The following WHRN variants were observed in gnomAD, a reference collection of about 807,000 sequenced individuals.
The protein encoded by WHRN is whirlin, also known as CASK-interacting protein CIP98.
In WHRN, 41 loss-of-function variants were observed where a neutral mutation model predicts 68.3. The observed-to-expected ratio is 0.60, with a 90% confidence interval of 0.47 to 0.78. The LOEUF (loss-of-function observed/expected upper bound fraction) is 0.78. Ranked by LOEUF, WHRN falls within the 30% of genes least tolerant of loss-of-function variation. The pLI, the probability that WHRN is intolerant of heterozygous loss-of-function variation, is 0.00. For missense variants in WHRN, 1,243 were observed against 1,244.7 expected (o/e 1.00, Z 0.02); for synonymous variants, 560 against 561.3 (o/e 1.00, Z 0.03).
intron 2 of WHRN, among the ~76,000 whole-genome samples, chr9:114,467,803 A>G (rs1840853357): frequency 6.6e-6 from 1 of 152,188 alleles, no homozygotes; most frequent in Non-Finnish European, 1.5e-5. Flanking sequence ...CCTAGCCCAA[A>G]GAGACGAGAA....
chr9:114,426,189 G>C, intron 4 of WHRN, 22 bp downstream of exon 4: 1 of 1,611,768 alleles, frequency 6.2e-7, no homozygotes. Context: ...TCTGGAGATT[G>C]GAGCGAGCAG....
intron 2 of WHRN, among the ~76,000 whole-genome samples, chr9:114,477,265 C>T (rs951504307): frequency 2.0e-5 from 3 of 152,250 alleles, no homozygotes; most frequent in Non-Finnish European, 4.4e-5. Flanking sequence ...TTTCCAGAGG[C>T]ATGGCACTTG....
In WHRN at chr9:114,425,014, C is replaced by T. The variant is rs138164522; in HGVS notation, c.1177G>A (p.Asp393Asn). ...TTGTTTATTCCTTCTGTTGTGAGAT[C>T]GCCAAGAAACCTGTGGGGAAAGACA... is the stretch of plus-strand genomic sequence containing the variant. ...TMANSAGFLG[D>N]LTTEGINKPG... Residue 393 changes from aspartate (D) to asparagine (N), a missense_variant, in exon 5 of 12, where the codon GAT becomes AAT. Coordinates refer to ENST00000362057, the MANE Select transcript of WHRN (RefSeq NM_015404.4). 9 of 1,614,166 alleles carry T rather than the reference C, an allele frequency of 5.6e-6. No homozygotes were observed. The highest frequency in any genetic ancestry group is 4.0e-5 in the African/African-American group (3 of 75,028).
rs545017474 is a variant in WHRN at position 114,471,832 on chromosome 9, A to G, written c.838-5440T>C. On this transcript the variant is annotated intron_variant, in intron 2 of 11. Coordinates refer to ENST00000362057, the MANE Select transcript of WHRN (RefSeq NM_015404.4). ...GTAAGATTCCCCACTCTGAAAAGAC[A>G]GGAACACAGGAAGAGAAGGGCCTCC... Among the ~76,000 whole-genome samples the G allele has an allele frequency of 9.8e-4, 150 of 152,356 alleles. 5 individuals are homozygous for G. In the South Asian group the frequency reaches 0.029, roughly 30 times the overall value.
At chr9:114,418,840 T>C (rs1836021668) in intron 7 of WHRN, among the ~76,000 whole-genome samples, 1 of 152,224 alleles carries the variant, frequency 6.6e-6, no homozygotes, top group South Asian at 2.1e-4. Context: ...CTAGCACTTG[T>C]CATCATTTAG....
intron 4 of WHRN, chr9:114,425,826 G>A (rs77169369): frequency 0.015 from 4,998 of 328,452 alleles, 240 homozygotes; most frequent in African/African-American, 0.099. Flanking sequence ...GATCCAGCCT[G>A]GTGGCCTCTG....
At chr9:114,500,547 C>T (rs1470382228) in intron 1 of WHRN, among the ~76,000 whole-genome samples, 1 of 152,142 alleles carries the variant, frequency 6.6e-6, no homozygotes, top group African/African-American at 2.4e-5. Context: ...TGGAATATTT[C>T]AATTCTAATA....
chr9:114,458,815 T>G (rs192774885), intron 3 of WHRN, among the ~76,000 whole-genome samples: 224 of 152,352 alleles, frequency 1.5e-3, no homozygotes, highest in African/African-American at 5.3e-3. Flanking sequence ...GCCCCAGGTG[T>G]TGTGCTGGTA....
At position 114,426,219 on chromosome 9, in the gene WHRN, G is replaced by A. The variant is rs397517253; in HGVS notation, c.1158C>T (p.Asn386=). The A allele has an allele frequency of 6.2e-7, 1 of 1,612,262 alleles. No homozygotes were observed. The stretch of plus-strand genomic sequence containing the variant: ...GAGCAGAGTGGCCAGACCCTGCCGA[G>A]TTCGCCATGGTCTCCCTGATCCGGG... ...ASSRIRETMA[N]SAGFLGDLTT... Residue 386 remains asparagine (N), a synonymous_variant, in exon 4 of 12, where the codon AAC becomes AAT. Coordinates refer to ENST00000362057, the MANE Select transcript of WHRN (RefSeq NM_015404.4).
At chr9:114,472,213 C>T (rs1002028704) in intron 2 of WHRN, among the ~76,000 whole-genome samples, 13 of 152,216 alleles carry the variant, frequency 8.5e-5, no homozygotes, top group Admixed American at 4.6e-4. Flanking sequence ...CTGGACAGTC[C>T]GGCTGGAACC....
chr9:114,470,993 G>A (rs555048488), intron 2 of WHRN, among the ~76,000 whole-genome samples: 9 of 152,018 alleles, frequency 5.9e-5, no homozygotes, highest in African/African-American at 1.7e-4. Context: ...CCACCTCCCC[G>A]CCACCTCCCC....
Position 114,404,018 on chromosome 9 carries a change from C to T in WHRN, c.2296G>A (p.Val766Met), listed in dbSNP as rs780721308. Residue 766 changes from valine to methionine, a missense_variant, in exon 10 of 12, where the codon GTG becomes ATG. Transcript: ENST00000362057. ...CTGGCCTCTGCCTCGCCAGCATCCA[C>T]ACCACTGTCCTCGCTTAGAGTCTGC... ...SGQTLSEDSG[V>M]DAGEAEASAP... The T allele has an allele frequency of 3.1e-6, 5 of 1,613,320 alleles. No homozygotes were observed. The highest frequency in any genetic ancestry group is 2.2e-5 in the South Asian group (2 of 91,086).
chr9:114,428,781 C>G (rs570441602), intron 3 of WHRN, among the ~76,000 whole-genome samples: 1 of 152,090 alleles, frequency 6.6e-6, no homozygotes, highest in African/African-American at 2.4e-5. Flanking sequence ...CCTTTACCCC[C>G]CTGAGCAGAT....
In WHRN at chr9:114,423,543, G is replaced by A. The variant is rs747671897; in HGVS notation, c.1417-20C>T. ...TGAGAACTGGAGGCGGGGACAAAAG[G>A]GGCACTCAGCAGGGAGCGCTACTAG... On this transcript the variant is annotated intron_variant, in intron 6 of 11. Coordinates refer to ENST00000362057, the MANE Select transcript of WHRN (RefSeq NM_015404.4). 2 of 1,596,980 alleles carry A rather than the reference G, an allele frequency of 1.3e-6. No homozygotes were observed. The highest frequency in any genetic ancestry group is 1.7e-6 in the Non-Finnish European group (2 of 1,168,202).
At chr9:114,434,878 G>A (rs185529127) in intron 3 of WHRN, among the ~76,000 whole-genome samples, 212 of 152,184 alleles carry the variant, frequency 1.4e-3, no homozygotes, top group African/African-American at 5.0e-3. Flanking sequence ...ATTAGCATCC[G>A]AACCAATCTC....
In WHRN at chr9:114,425,040, C is replaced by T. The variant is rs1836692310; in HGVS notation, c.1167-16G>A. 1 of 1,614,090 alleles carries T rather than the reference C, an allele frequency of 6.2e-7. No homozygotes were observed. The highest frequency in any genetic ancestry group is 8.5e-7 in the Non-Finnish European group (1 of 1,179,968). On this transcript the variant is annotated splice_polypyrimidine_tract_variant and intron_variant, in intron 4 of 11. Transcript: ENST00000362057. ...GCCAAGAAACCTGTGGGGAAAGACA[C>T]ACATCTCCAGTTGTGCATTTGAGCA...
intron 7 of WHRN, among the ~76,000 whole-genome samples, chr9:114,411,894 G>A (rs1407966385): frequency 6.6e-6 from 1 of 152,170 alleles, no homozygotes; most frequent in East Asian, 1.9e-4. Flanking sequence ...CCCCAGAAAT[G>A]AACAGGGCCT....
chr9:114,425,291 A>G (rs995659913), intron 4 of WHRN: 27 of 628,404 alleles, frequency 4.3e-5, no homozygotes, highest in Non-Finnish European at 7.4e-5. Flanking sequence ...CCAACCCCGC[A>G]GGACCAGGCA....
intron 3 of WHRN, among the ~76,000 whole-genome samples, chr9:114,459,470 C>G (rs1313630683): frequency 1.4e-5 from 2 of 139,580 alleles, no homozygotes; most frequent in African/African-American, 2.6e-5. Flanking sequence ...CTAAAAAAAA[C>G]AGAGTTCCTA....
Sources: gnomAD v4.1 joint callset for allele counts (sites outside exome capture counted in the v4.1 genomes callset) on GRCh38, gnomAD v4.1.1 for gene constraint, MANE v1.5 for transcripts, NCBI Gene and HGNC (gene_info 2026-07-23, HGNC 2026-07-21) for gene names.